The following KCNC2 variants were observed in gnomAD, a reference collection of about 807,000 sequenced individuals.
KCNC2 encodes potassium voltage-gated channel subfamily C member 2, also known as voltage-gated potassium channel KCNC2.
Under a neutral mutation model 44.5 loss-of-function variants are expected in KCNC2, and 21 were observed. The ratio of observed to expected loss-of-function variants is 0.47; its 90% CI spans 0.33 to 0.68. KCNC2 has a LOEUF of 0.68. Among genes scored for constraint, KCNC2 ranks in the 30% least tolerant of loss-of-function variants. KCNC2 has a pLI of 0.01. For synonymous variants in KCNC2, 391 were observed against 339.1 expected (o/e 1.15, Z -1.68); for missense variants, 589 against 826.2 (o/e 0.71, Z 3.52).
At chr12:75,089,688 T>C (rs535345132) in intron 2 of KCNC2, among the ~76,000 whole-genome samples, 9 of 152,004 alleles carry the variant, frequency 5.9e-5, no homozygotes, top group South Asian at 2.1e-4. Flanking sequence ...AATGGAATTA[T>C]GGTCTCCAAA....
At chr12:75,060,504 T>TGGGCAACA (rs1190672700) in intron 2 of KCNC2, among the ~76,000 whole-genome samples, 3 of 152,046 alleles carry the variant, frequency 2.0e-5, no homozygotes, top group Non-Finnish European at 4.4e-5. Context: ...CTCTCTCTGT[T>TGGGCAACA]GCCCAAGTTA....
chr12:75,091,894 A>G (rs1386663108), intron 2 of KCNC2, among the ~76,000 whole-genome samples: 1 of 151,760 alleles, frequency 6.6e-6, no homozygotes, highest in East Asian at 1.9e-4. Context: ...TATAAGATCT[A>G]AACTATTTTC....
chr12:75,148,908 C>CT (rs1403123456), intron 2 of KCNC2, among the ~76,000 whole-genome samples: 1 of 150,944 alleles, frequency 6.6e-6, no homozygotes, highest in Non-Finnish European at 1.5e-5. Flanking sequence ...AAATGCAAAC[C>CT]TTTTTTAAAA....
intron 2 of KCNC2, among the ~76,000 whole-genome samples, chr12:75,135,257 G>GAA (rs142541693): frequency 6.9e-6 from 1 of 144,928 alleles, no homozygotes; most frequent in Admixed American, 6.9e-5. Context: ...AATGTAAAAT[G>GAA]AAAAAAAAAA....
intron 2 of KCNC2, among the ~76,000 whole-genome samples, chr12:75,152,901 A>G (rs1890504264): frequency 6.6e-6 from 1 of 152,012 alleles, no homozygotes; most frequent in African/African-American, 2.4e-5. Context: ...AGTACACACA[A>G]CATTCGAAAA....
chr12:75,207,600 G>C lies in KCNC2; in HGVS notation c.384C>G (p.Asp128Glu), dbSNP rs1020924840. 7.4e-6 allele frequency: 12 copies of C among 1,611,924 alleles called. No homozygotes were observed. Among genetic ancestry groups the C allele is most frequent in the South Asian group, 1.1e-5 (1 of 90,988 alleles). ...YRTGKLHCPA[D>E]VCGPLFEEEL... ...CCTCCTCGAAGAGCGGCCCGCACAC[G>C]TCTGCGGGGCAGTGCAGCTTGCCGG... The change falls in exon 2 of 5, where the codon GAC becomes GAG. Residue 128 changes from aspartate (D) to glutamate (E), a missense_variant. By Grantham distance (45) the Asp-to-Glu change is conservative. Transcript: ENST00000549446. The surrounding 1 kb of genome is among the most constrained non-coding windows in gnomAD (Gnocchi z 4.1).
At chr12:75,083,059 CA>C (rs1487010153) in intron 2 of KCNC2, among the ~76,000 whole-genome samples, 2 of 150,842 alleles carry the variant, frequency 1.3e-5, no homozygotes, top group East Asian at 1.9e-4. Flanking sequence ...AATATATATA[CA>C]AAAAATTTAA....
intron 2 of KCNC2, among the ~76,000 whole-genome samples, chr12:75,149,317 AC>A (rs1321721733): frequency 6.6e-6 from 1 of 151,886 alleles, no homozygotes; most frequent in Non-Finnish European, 1.5e-5. Flanking sequence ...TCCTGTGTCC[AC>A]AAATTTCCAT....
intron 2 of KCNC2, among the ~76,000 whole-genome samples, chr12:75,201,853 T>C (rs2031306575): frequency 6.6e-6 from 1 of 151,954 alleles, no homozygotes; most frequent in Non-Finnish European, 1.5e-5. Context: ...TTGAAGGTTA[T>C]TTTTTAGACT....
intron 2 of KCNC2, among the ~76,000 whole-genome samples, chr12:75,070,141 A>C (rs1437198709): frequency 1.3e-5 from 2 of 152,196 alleles, no homozygotes; most frequent in Non-Finnish European, 2.9e-5. Context: ...TTTTCTGCCT[A>C]GTTTGTGTTG....
chr12:75,165,568 T>A (rs1373074246), intron 2 of KCNC2, among the ~76,000 whole-genome samples: 1 of 151,496 alleles, frequency 6.6e-6, no homozygotes, highest in Non-Finnish European at 1.5e-5. Flanking sequence ...TTTTAGCAAA[T>A]TCACATGTAC....
chr12:75,187,854 C>T (rs1031474257), intron 2 of KCNC2, among the ~76,000 whole-genome samples: 1 of 152,114 alleles, frequency 6.6e-6, no homozygotes, highest in African/African-American at 2.4e-5. Context: ...TTCTATACAG[C>T]ACATAAGTAG....
chr12:75,141,214 A>T (rs1378012405), intron 2 of KCNC2, among the ~76,000 whole-genome samples: 2 of 152,176 alleles, frequency 1.3e-5, no homozygotes, highest in East Asian at 3.9e-4. Context: ...CCCTTCAACC[A>T]CTTTCACTGC....
Position 75,207,741 on chromosome 12 carries a change from G to T in KCNC2, c.243C>A (p.Gly81=), listed in dbSNP as rs950355650. The T allele has an allele frequency of 6.4e-7, 1 of 1,567,234 alleles. No homozygotes were observed. ...CGCCGCGGGAACTGCAGTTGCCCGC[G>T]CCGCCCTCGAAGCAGCCGCCTGGCC... ...SPGPGGCFEG[G]AGNCSSRGGR... The change falls in exon 2 of 5, where the codon GGC becomes GGA. Residue 81 remains glycine, a synonymous_variant. Transcript: ENST00000549446. The surrounding 1 kb of genome is among the most constrained non-coding windows in gnomAD (Gnocchi z 4.1).
intron 2 of KCNC2, among the ~76,000 whole-genome samples, chr12:75,149,543 G>T (rs1376108336): frequency 6.6e-5 from 10 of 151,806 alleles, no homozygotes; most frequent in Admixed American, 4.6e-4. Context: ...ACTAATGAAA[G>T]AAATGATCAG....
At chr12:75,176,576 T>C (rs1210264407) in intron 2 of KCNC2, among the ~76,000 whole-genome samples, 1 of 151,996 alleles carries the variant, frequency 6.6e-6, no homozygotes, top group Non-Finnish European at 1.5e-5. Context: ...TCTCCCAGCA[T>C]GGAAATTTTG....
rs893527770 is a variant in KCNC2, at chr12:75,208,036, A to T, written c.-19-34T>A. 17 of 1,604,554 alleles carry T rather than the reference A, an allele frequency of 1.1e-5. No individual in the cohort carries two copies. In the African/African-American group the frequency reaches 2.0e-4, roughly 19 times the overall value. ...AGGCAAACACAGCGCCGAGTTAAAG[A>T]TCTTAGCCGTCAAAGACACACCATG... is the stretch of plus-strand genomic sequence containing the variant. On this transcript the variant is annotated intron_variant, in intron 1 of 4. Coordinates refer to ENST00000549446, the MANE Select transcript of KCNC2 (RefSeq NM_139137.4).
intron 2 of KCNC2, among the ~76,000 whole-genome samples, chr12:75,163,971 A>G (rs936298342): frequency 4.6e-5 from 7 of 151,598 alleles, no homozygotes; most frequent in African/African-American, 1.7e-4. Flanking sequence ...AAAATCCTAC[A>G]CACTCCTTTT....
In KCNC2 at chr12:75,207,230, A is replaced by G; in HGVS notation, c.687+67T>C. ...TGCCTGAGGCCCTGGGGTGGAAAAGAACAGAAAGTTGGGGAGGGAGTTGGG... is the reference window on the plus strand; with the variant it reads ...TGCCTGAGGCCCTGGGGTGGAAAAGGACAGAAAGTTGGGGAGGGAGTTGGG... On this transcript the variant is annotated intron_variant, in intron 2 of 4. Coordinates refer to ENST00000549446, the MANE Select transcript of KCNC2 (RefSeq NM_139137.4). The surrounding 1 kb of genome is among the most constrained non-coding windows in gnomAD (Gnocchi z 4.1). The G allele has an allele frequency of 6.7e-7, 1 of 1,498,210 alleles. No individual in the cohort carries two copies. The highest frequency in any genetic ancestry group is 8.9e-7 in the Non-Finnish European group (1 of 1,125,756). 92.8% of individuals were successfully genotyped at this position (1,498,210 alleles called of 1,614,324 possible).
Sources: allele counts gnomAD v4.1 joint callset (sites outside exome capture counted in the v4.1 genomes callset), GRCh38; gene constraint gnomAD v4.1.1; non-coding constraint Gnocchi (gnomAD v3.1); transcripts MANE v1.5; gene names NCBI Gene and HGNC (gene_info 2026-07-23, HGNC 2026-07-21).